Variants in ZBP1 observed in about 807,000 individuals in gnomAD.
The protein encoded by ZBP1 is Z-DNA-binding protein 1.
Under a neutral mutation model 41.1 loss-of-function variants are expected in ZBP1, and 42 were observed. That is an observed-to-expected ratio of 1.02 (90% CI 0.80 to 1.32). The LOEUF (loss-of-function observed/expected upper bound fraction) is 1.32, where lower values mean the gene tolerates loss of function less well. Ranked by LOEUF, ZBP1 falls within the 40% of genes most tolerant of loss-of-function variation. ZBP1 has a pLI of 0.00. For missense variants in ZBP1, 562 were observed against 549.7 expected (o/e 1.02, Z -0.22); for synonymous variants, 214 against 205.2 (o/e 1.04, Z -0.37).
intron 7 of ZBP1, among the ~76,000 whole-genome samples, chr20:57,606,190 C>T (rs2070492339): frequency 6.6e-6 from 1 of 152,214 alleles, no homozygotes; most frequent in African/African-American, 2.4e-5. Context: ...GTGAACCAGC[C>T]TTGTGGCTAG....
At chr20:57,614,857 C>A (rs2070773892) in intron 4 of ZBP1, 30 bp downstream of exon 4, 2 of 1,612,080 alleles carry the variant, frequency 1.2e-6, no homozygotes, top group Admixed American at 3.3e-5. Flanking sequence ...TTTCCCTCTG[C>A]AGCCCAGACA....
At position 57,610,103 on chromosome 20, in the gene ZBP1, G is replaced by GGA. The variant is rs747167844; in HGVS notation, c.1093+44_1093+45dup. 20 of 1,545,340 alleles carry GGA rather than the reference G, an allele frequency of 1.3e-5. No individual in the cohort carries two copies. Among genetic ancestry groups the GGA allele is most frequent in the Non-Finnish European group, 1.6e-5 (18 of 1,121,222 alleles). On this transcript the variant is annotated intron_variant, in intron 7 of 7. Transcript: ENST00000371173. This position sits in a 1 kb window ranked among gnomAD's most constrained non-coding sequence, Gnocchi z 5.5. ...GAATGAATGAATGAGTGGAAGGTGGGGAGAGAGAGAGAACACACAGGGGTC... is the reference window on the plus strand; with the variant it reads ...GAATGAATGAATGAGTGGAAGGTGGGGAGAGAGAGAGAGAACACACAGGGGTC...
chr20:57,612,745 C>T (rs796875950), intron 5 of ZBP1: 4 of 267,400 alleles, frequency 1.5e-5, no homozygotes, highest in African/African-American at 9.1e-5. Context: ...GGGAAAGTAG[C>T]GTGTCTCAGA....
chr20:57,615,061 C>T lies in ZBP1; in HGVS notation c.329-1G>A. On this transcript the variant is annotated splice_acceptor_variant, in intron 3 of 7. Transcript: ENST00000371173. LOFTEE classifies it high-confidence loss of function. ...TTGAGAAACCTGTAGATGTCTTCCT[C>T]TGGGAGGCAGGATGGCCAGGTGGTT... The T allele has an allele frequency of 1.9e-6, 3 of 1,614,144 alleles. No homozygotes were observed. The highest frequency in any genetic ancestry group is 1.7e-6 in the Non-Finnish European group (2 of 1,180,010).
chr20:57,612,037 G>A (rs1350905756), intron 5 of ZBP1, 107 bp from the exon 6 acceptor site: 20 of 1,244,110 alleles, frequency 1.6e-5, no homozygotes, highest in Admixed American at 4.5e-5. Context: ...GGACACCATC[G>A]AACTGGCGGC....
At position 57,613,841 on chromosome 20, in the gene ZBP1, C is replaced by T. The variant is rs2070743071; in HGVS notation, c.503-511G>A. On this transcript the variant is annotated intron_variant, in intron 4 of 7. Transcript: ENST00000371173. The surrounding 1 kb of genome is among the most constrained non-coding windows in gnomAD (Gnocchi z 4.5). ...ACAGCAGCCCTAGGATGCTGAGACC[C>T]CCTCGGGCACCCGTCATGAGTAGCA... is the stretch of plus-strand genomic sequence containing the variant. Among the ~76,000 whole-genome samples, 2 of 152,208 alleles carry T rather than the reference C, an allele frequency of 1.3e-5. No individual in the cohort carries two copies. The highest frequency in any genetic ancestry group is 2.9e-5 in the Non-Finnish European group (2 of 68,034).
chr20:57,619,677 G>A (rs1402170933), intron 1 of ZBP1, among the ~76,000 whole-genome samples: 3 of 152,104 alleles, frequency 2.0e-5, no homozygotes, highest in Non-Finnish European at 2.9e-5. Context: ...GTGTTACCCT[G>A]AGAGTGTCAT....
chr20:57,619,811 G>A (rs1049155569), intron 1 of ZBP1, among the ~76,000 whole-genome samples: 2 of 152,062 alleles, frequency 1.3e-5, no homozygotes, highest in African/African-American at 4.8e-5. Flanking sequence ...GCTGTCAAAG[G>A]GGGATGGCTA....
chr20:57,608,387 G>A (rs749145686), intron 7 of ZBP1, among the ~76,000 whole-genome samples: 1 of 152,248 alleles, frequency 6.6e-6, no homozygotes. Flanking sequence ...CTCCCAAAGT[G>A]CTGGGATTAC....
chr20:57,607,610 G>C (rs1463284513), intron 7 of ZBP1, among the ~76,000 whole-genome samples: 1 of 152,174 alleles, frequency 6.6e-6, no homozygotes, highest in African/African-American at 2.4e-5. Flanking sequence ...AGCATTGCAT[G>C]CTACAGAGAA....
At chr20:57,620,010 T>C (rs2070960744) in intron 1 of ZBP1, among the ~76,000 whole-genome samples, 1 of 152,102 alleles carries the variant, frequency 6.6e-6, no homozygotes, top group African/African-American at 2.4e-5. Flanking sequence ...TTAATTTTTG[T>C]AATTTTAGTA....
chr20:57,614,659 T>C (rs1282416938), intron 4 of ZBP1, among the ~76,000 whole-genome samples: 2 of 152,208 alleles, frequency 1.3e-5, no homozygotes, highest in Admixed American at 6.5e-5. Flanking sequence ...TCCCATTCAC[T>C]GGCCTTCTGC....
chr20:57,605,182 C>T (rs1488242992), intron 7 of ZBP1, among the ~76,000 whole-genome samples: 1 of 152,212 alleles, frequency 6.6e-6, no homozygotes, highest in Non-Finnish European at 1.5e-5. Context: ...TAAGGTCCCG[C>T]CCGCCACTCA....
chr20:57,608,924 T>C (rs62204276), intron 7 of ZBP1, among the ~76,000 whole-genome samples: 18,748 of 152,294 alleles, frequency 0.12, 1,277 homozygotes, highest in East Asian at 0.23. Flanking sequence ...TGGGTGTGAT[T>C]CCTTATTCCA....
chr20:57,615,787 C>G, intron 2 of ZBP1: 1 of 559,112 alleles, frequency 1.8e-6, no homozygotes, highest in Non-Finnish European at 3.1e-6. Flanking sequence ...GGGGCTCAGC[C>G]TCCTTTGCCT....
rs568300416 is a variant in ZBP1, at chr20:57,606,954, G to A, written c.1094-2185C>T. ...GTTGACAATGCACCTGTTCATCCAC[G>A]GGCTCTGATGGAGATGTAAAAAAGA... On this transcript the variant is annotated intron_variant, in intron 7 of 7. Transcript: ENST00000371173. The A allele has an allele frequency of 2.3e-5, 27 of 1,171,500 alleles. No individual in the cohort carries two copies. In the African/African-American group the frequency reaches 3.4e-4, roughly 15 times the overall value. The allele number at this position is 1,171,500 out of a possible 1,614,324, so 72.6% of individuals were successfully genotyped here. A position where few individuals can be genotyped will look rare whatever the true frequency, so the allele number is the denominator to read the frequency against.
At chr20:57,609,639 G>A (rs947508139) in intron 7 of ZBP1, among the ~76,000 whole-genome samples, 3 of 151,992 alleles carry the variant, frequency 2.0e-5, no homozygotes, top group African/African-American at 4.8e-5. Context: ...ACCCTCACCC[G>A]GACATGAGAC....
At chr20:57,614,812 G>A (rs2070772651) in intron 4 of ZBP1, 75 bp downstream of exon 4, 18 of 1,573,968 alleles carry the variant, frequency 1.1e-5, no homozygotes, top group Non-Finnish European at 1.6e-5. Flanking sequence ...CTGCTCAGCA[G>A]AGCACCCAGC....
Position 57,616,018 on chromosome 20 carries a change from G to T in ZBP1, c.259+226C>A, listed in dbSNP as rs1254710030. ...GTGTTCTGCAGAGTACCTCCTGTGT[G>T]CAGGGCTGGGCTGAGCCTGACGCAG... On this transcript the variant is annotated intron_variant, in intron 2 of 7. Coordinates refer to ENST00000371173, the MANE Select transcript of ZBP1 (RefSeq NM_030776.3). 1.3e-5 allele frequency: 8 copies of T among 597,592 alleles called. No homozygotes were observed. The East Asian group carries it at 2.0e-4, about 15-fold the overall frequency. 37.0% of individuals were successfully genotyped at this position (597,592 alleles called of 1,614,324 possible).
Sources: gnomAD v4.1 joint callset for allele counts (sites outside exome capture counted in the v4.1 genomes callset) on GRCh38, gnomAD v4.1.1 for gene constraint, Gnocchi (gnomAD v3.1) non-coding constraint, MANE v1.5 for transcripts, NCBI Gene and HGNC (gene_info 2026-07-23, HGNC 2026-07-21) for gene names.